ASCC2: variants seen among roughly 807,000 people sequenced by gnomAD.
ASCC2 encodes activating signal cointegrator 1 complex subunit 2, also known as ASC-1 complex subunit P100.
A neutral mutation model predicts 93.5 loss-of-function variants in ASCC2; 42 were observed. That is an observed-to-expected ratio of 0.45 (90% CI 0.35 to 0.58). ASCC2 has a LOEUF of 0.58. ASCC2 is among the 20% of genes least tolerant of loss of function. ASCC2 has a pLI of 0.00. For missense variants in ASCC2, 859 were observed against 977.6 expected, an observed-to-expected ratio of 0.88 and a Z score of 1.62; for synonymous variants, 364 against 384.2, an observed-to-expected ratio of 0.95 and a Z score of 0.62.
In ASCC2 at chr22:29,822,354, T is replaced by C. The variant is rs995869268; in HGVS notation, c.522A>G (p.Pro174=). The C allele has an allele frequency of 6.2e-7, 1 of 1,613,856 alleles. No individual in the cohort carries two copies. The highest frequency in any genetic ancestry group is 1.3e-5 in the African/African-American group (1 of 74,862). Residue 174 remains proline, a synonymous_variant, in exon 5 of 20, where the codon CCA becomes CCG. Transcript: ENST00000307790. Reference sequence around the variant, plus strand: ...ACACACCTATCATCTTCTGGAGCAGTGGTGAGTTGCCTTTTCCAAAGAGCA... The same window carrying C: ...ACACACCTATCATCTTCTGGAGCAGCGGTGAGTTGCCTTTTCCAAAGAGCA... The part of the protein sequence containing the change: ...LCVLFGKGNS[P]LLQKMIGNIF...
At chr22:29,806,958 G>A in intron 9 of ASCC2, 54 bp from the exon 10 acceptor site, 1 of 1,400,672 alleles carries the variant, frequency 7.1e-7, no homozygotes, top group Admixed American at 1.9e-5. Flanking sequence ...GCCCTGAGGG[G>A]CCAGGTGCAG....
chr22:29,818,112 A>G (rs936488603), intron 5 of ASCC2, among the ~76,000 whole-genome samples: 1 of 151,854 alleles, frequency 6.6e-6, no homozygotes, highest in Non-Finnish European at 1.5e-5. Context: ...GAAAAAAAAA[A>G]AAAAAAGCAA....
chr22:29,802,062 C>G lies in ASCC2; in HGVS notation c.1500G>C (p.Gln500His), dbSNP rs767908214. ...CLEYYHYDPE[Q>H]VINNILEERL... ...GCTCCTCCAGGATATTGTTGATCAC[C>G]TGCTCTGGGTCGTAGTGGTAGTACT... Residue 500 changes from glutamine (Q) to histidine (H), a missense_variant, in exon 14 of 20, where the codon CAG becomes CAC. Physicochemically the swap from Gln to His is conservative, Grantham distance 24 (BLOSUM62 0). Coordinates refer to ENST00000307790, the MANE Select transcript of ASCC2 (RefSeq NM_032204.5). 21 of 1,613,864 alleles carry G rather than the reference C, an allele frequency of 1.3e-5. No homozygotes were observed. The highest frequency in any genetic ancestry group is 1.8e-5 in the Non-Finnish European group (21 of 1,179,966).
intron 8 of ASCC2, 55 bp from the exon 9 acceptor site, chr22:29,808,240 A>C (rs1287753725): frequency 1.9e-6 from 3 of 1,561,142 alleles, no homozygotes; most frequent in Non-Finnish European, 2.6e-6. Flanking sequence ...ACCACACTTC[A>C]TAAGAACATC....
In ASCC2 at chr22:29,788,816, A is replaced by G; in HGVS notation, c.*197T>C. ...GCCCCACGGATTCTTCGGCTGTGGC[A>G]TAAGGCACTGTGTGTTCTGCAGGAA... On this transcript the variant is annotated 3_prime_UTR_variant, in exon 20 of 20. Coordinates refer to ENST00000307790, the MANE Select transcript of ASCC2 (RefSeq NM_032204.5). 3 of 630,222 alleles carry G rather than the reference A, an allele frequency of 4.8e-6. No individual in the cohort carries two copies. Among genetic ancestry groups the G allele is most frequent in the Non-Finnish European group, 8.2e-6 (3 of 365,654 alleles). 39.0% of individuals were successfully genotyped at this position (630,222 alleles called of 1,614,324 possible). A position where few individuals can be genotyped will look rare whatever the true frequency, so the allele number is the denominator to read the frequency against.
intron 17 of ASCC2, 129 bp from the exon 18 acceptor site, chr22:29,792,664 G>A: frequency 1.6e-6 from 2 of 1,264,440 alleles, no homozygotes; most frequent in Non-Finnish European, 2.2e-6. Context: ...AAAACCAAAA[G>A]CCTTTCAAGC....
In ASCC2 at chr22:29,837,919, G is replaced by C. The variant is rs181321171; in HGVS notation, c.-18+259C>G. The stretch of plus-strand genomic sequence containing the variant: ...TTTGCTGAACGAATGAATGAACCCT[G>C]AGGAAACTGAAGCCCCGGGTGTGAG... On this transcript the variant is annotated intron_variant, in intron 1 of 19. Transcript: ENST00000307790. 1.0e-3 allele frequency among the ~76,000 whole-genome samples: 159 copies of C among 152,348 alleles called. 1 individual carries two copies. Among genetic ancestry groups the C allele is most frequent in the African/African-American group, 3.8e-3 (156 of 41,584 alleles).
chr22:29,822,365 CT>C lies in ASCC2; in HGVS notation c.510del (p.Gly171AlafsTer9), dbSNP rs1569416684. The C allele has an allele frequency of 6.2e-7, 1 of 1,613,994 alleles. No homozygotes were observed. The highest frequency in any genetic ancestry group is 1.1e-5 in the South Asian group (1 of 91,072). ...ATCTTCTGGAGCAGTGGTGAGTTGC[CT>C]TTTCCAAAGAGCACGCAGAGGTCCA... ...KILDLCVLFG[K>X]GNSPLLQKMI... On this transcript the variant is annotated frameshift_variant, in exon 5 of 20. Transcript: ENST00000307790. LOFTEE classifies it high-confidence loss of function.
chr22:29,814,683 A>G lies in ASCC2; in HGVS notation c.694T>C (p.Leu232=), dbSNP rs745743611. ...TPQKLEERGR[L]TPSDMPLLEL... ...AGGAGAGGCATGTCACTGGGGGTCA[A>G]TCGGCCCCTCTCCTCAAGCTTCTGG... is the stretch of plus-strand genomic sequence containing the variant. Residue 232 remains leucine, a synonymous_variant, in exon 7 of 20, where the codon TTG becomes CTG. Coordinates refer to ENST00000307790, the MANE Select transcript of ASCC2 (RefSeq NM_032204.5). 8.1e-6 allele frequency: 13 copies of G among 1,605,064 alleles called. No homozygotes were observed. The highest frequency in any genetic ancestry group is 1.0e-5 in the Non-Finnish European group (12 of 1,176,590).
chr22:29,790,388 T>C, intron 19 of ASCC2, 81 bp downstream of exon 19: 3 of 1,423,476 alleles, frequency 2.1e-6, no homozygotes, highest in Non-Finnish European at 3.0e-6. Context: ...AGGGTGTACG[T>C]GTGGGTTTCC....
chr22:29,806,904 C>T lies in ASCC2; in HGVS notation c.909G>A (p.Lys303=). The part of the protein sequence containing the change: ...AIKKRRLEDS[K]LLGDLWQRLS... Reference sequence around the variant, plus strand: ...GCCTCTGCCACAGGTCACCAAGAAGCCTAGGCCAGAGAGAAAAAAGACACA... The same window carrying T: ...GCCTCTGCCACAGGTCACCAAGAAGTCTAGGCCAGAGAGAAAAAAGACACA... Residue 303 remains lysine (K), a splice_region_variant and synonymous_variant, in exon 10 of 20, where the codon AAG becomes AAA. Transcript: ENST00000307790. The T allele has an allele frequency of 6.2e-7, 1 of 1,611,488 alleles. No individual in the cohort carries two copies. The highest frequency in any genetic ancestry group is 8.5e-7 in the Non-Finnish European group (1 of 1,177,876).
At position 29,822,372 on chromosome 22, in the gene ASCC2, A is replaced by T; in HGVS notation, c.504T>A (p.Phe168Leu). Reference protein sequence around the residue: ...IPKILDLCVLFGKGNSPLLQK... With the variant: ...IPKILDLCVLLGKGNSPLLQK... ...GGAGCAGTGGTGAGTTGCCTTTTCC[A>T]AAGAGCACGCAGAGGTCCAGGATCT... The change falls in exon 5 of 20, where the codon TTT (phenylalanine) becomes TTA (leucine). Residue 168 changes from phenylalanine (F) to leucine (L), a missense_variant. Transcript: ENST00000307790. The T allele has an allele frequency of 1.9e-6, 3 of 1,614,046 alleles. No homozygotes were observed. The highest frequency in any genetic ancestry group is 2.5e-6 in the Non-Finnish European group (3 of 1,179,980).
intron 14 of ASCC2, 30 bp from the exon 15 acceptor site, chr22:29,801,140 G>C: frequency 6.4e-7 from 1 of 1,569,436 alleles, no homozygotes; most frequent in Non-Finnish European, 8.7e-7. Flanking sequence ...ATCAATTTAA[G>C]GGGGCCCTGC....
Position 29,814,701 on chromosome 22 carries a change from G to C in ASCC2, c.676C>G (p.Leu226Val), listed in dbSNP as rs774656000. ...GGGGTCAATCGGCCCCTCTCCTCAAGCTTCTGGGGTGTGGTATTGGCCCCG... is the reference window on the plus strand; with the variant it reads ...GGGGTCAATCGGCCCCTCTCCTCAACCTTCTGGGGTGTGGTATTGGCCCCG... Reference protein sequence around the residue: ...GDGANTTPQKLEERGRLTPSD... With the variant: ...GDGANTTPQKVEERGRLTPSD... Residue 226 changes from leucine (L) to valine (V), a missense_variant, in exon 7 of 20, where the codon CTT (leucine) becomes GTT (valine). Transcript: ENST00000307790. 2.5e-6 allele frequency: 4 copies of C among 1,607,424 alleles called. No individual in the cohort carries two copies. The Admixed American group carries it at 6.8e-5, about 27-fold the overall frequency.
rs541231257 is a variant in ASCC2 at position 29,810,762 on chromosome 22, G to A, written c.834-2577C>T. ...TTTTTTTTTTTTTTGAGACAGTCTCGCTCTGTTGCCCAGGCTGGAGGGCAG... is the reference window on the plus strand; with the variant it reads ...TTTTTTTTTTTTTTGAGACAGTCTCACTCTGTTGCCCAGGCTGGAGGGCAG... On this transcript the variant is annotated intron_variant, in intron 8 of 19. Transcript: ENST00000307790. 3.5e-4 allele frequency among the ~76,000 whole-genome samples: 52 copies of A among 149,770 alleles called. No individual in the cohort carries two copies. In the South Asian group the frequency reaches 0.01, roughly 30 times the overall value.
At chr22:29,824,858 A>G (rs938137481) in intron 4 of ASCC2, among the ~76,000 whole-genome samples, 9 of 152,212 alleles carry the variant, frequency 5.9e-5, no homozygotes, top group Admixed American at 2.0e-4. Context: ...CAGCTGGCAA[A>G]GGGCCCTCGG....
At chr22:29,815,314 G>T (rs1486797781) in intron 6 of ASCC2, 1 of 152,844 alleles carries the variant, frequency 6.5e-6, no homozygotes, top group Non-Finnish European at 1.5e-5. Context: ...AAAGAAAAAA[G>T]AAAATCCTCC....
At chr22:29,804,912 C>T in intron 12 of ASCC2, 82 bp from the exon 13 acceptor site, 1 of 1,441,450 alleles carries the variant, frequency 6.9e-7, no homozygotes, top group Non-Finnish European at 9.6e-7. Flanking sequence ...CAGCATCTGA[C>T]CACATGGTTC....
chr22:29,789,473 C>T (rs963567647), intron 19 of ASCC2, among the ~76,000 whole-genome samples: 7 of 152,326 alleles, frequency 4.6e-5, no homozygotes, highest in Middle Eastern at 3.4e-3. Flanking sequence ...CTACAGGAGA[C>T]GGGGAGGGCT....
Sources: gnomAD v4.1 joint callset for allele counts (sites outside exome capture counted in the v4.1 genomes callset) on GRCh38, gnomAD v4.1.1 for gene constraint, MANE v1.5 for transcripts, NCBI Gene and HGNC (gene_info 2026-07-23, HGNC 2026-07-21) for gene names.